LHFPL2: variants seen among roughly 807,000 people sequenced by gnomAD.
LHFPL2 encodes LHFPL tetraspan subfamily member 2 protein.
Under a neutral mutation model 17.5 loss-of-function variants are expected in LHFPL2, and 7 were observed. The observed-to-expected ratio is 0.40, with a 90% CI of 0.23 to 0.75. The LOEUF (loss-of-function observed/expected upper bound fraction) is 0.75, where lower values mean the gene tolerates loss of function less well. LHFPL2 is among the 30% of genes least tolerant of loss of function. The pLI is 0.37. For missense variants in LHFPL2, 241 were observed against 294.8 expected, an observed-to-expected ratio of 0.82 and a Z score of 1.34; for synonymous variants, 134 against 116.2, an observed-to-expected ratio of 1.15 and a Z score of -0.99.
At position 78,648,380 on chromosome 5, in the gene LHFPL2, G is replaced by C. The variant is rs560252999; in HGVS notation, c.-350+119C>G. The C allele has an allele frequency of 6.6e-6, 1 of 152,062 alleles. No individual in the cohort carries two copies. Among genetic ancestry groups the C allele is most frequent in the Admixed American group, 6.5e-5 (1 of 15,272 alleles). 9.4% of individuals were successfully genotyped at this position (152,062 alleles called of 1,614,324 possible). A position where few individuals can be genotyped will look rare whatever the true frequency, so the allele number is the denominator to read the frequency against. On this transcript the variant is annotated intron_variant, in intron 1 of 4. Transcript: ENST00000380345. This position sits in a 1 kb window ranked among gnomAD's most constrained non-coding sequence, Gnocchi z 5.4. The stretch of plus-strand genomic sequence containing the variant: ...AGTTCCCGCGCCAGCCGCGGCTCAA[G>C]CAGCCAGGGCTCGGCCGGCCGCAAC...
At chr5:78,562,705 T>A (rs1756762237) in intron 3 of LHFPL2, among the ~76,000 whole-genome samples, 2 of 151,862 alleles carry the variant, frequency 1.3e-5, no homozygotes, top group Non-Finnish European at 2.9e-5. Flanking sequence ...ACTCAGAATG[T>A]CTGTTCTTGT....
At chr5:78,594,125 A>G (rs1286923377) in intron 2 of LHFPL2, among the ~76,000 whole-genome samples, 2 of 152,244 alleles carry the variant, frequency 1.3e-5, no homozygotes, top group East Asian at 3.8e-4. Flanking sequence ...CTAGTTAAGT[A>G]TGGGGGCCAG....
intron 3 of LHFPL2, among the ~76,000 whole-genome samples, chr5:78,516,397 A>C (rs1191237001): frequency 6.6e-6 from 1 of 151,998 alleles, no homozygotes; most frequent in Non-Finnish European, 1.5e-5. Context: ...CCCCACACCA[A>C]CTTTGCAGGG....
intron 3 of LHFPL2, among the ~76,000 whole-genome samples, chr5:78,526,400 C>T (rs912876937): frequency 2.6e-5 from 4 of 152,096 alleles, no homozygotes; most frequent in Non-Finnish European, 5.9e-5. Context: ...TTGAAAACAC[C>T]TCCTAATTAG....
At chr5:78,638,372 T>G (rs1745537761) in intron 1 of LHFPL2, among the ~76,000 whole-genome samples, 1 of 151,970 alleles carries the variant, frequency 6.6e-6, no homozygotes, top group African/African-American at 2.4e-5. Flanking sequence ...ATAACAATAA[T>G]AAATAATAAA....
Position 78,593,159 on chromosome 5 carries a change from C to T in LHFPL2, c.-244-28288G>A, listed in dbSNP as rs114430854. ...ACCGGGTGCTGACATTCACGGGGGGCGAAAGGAGATGCCAGCTGCTGCTCA... is the reference window on the plus strand; with the variant it reads ...ACCGGGTGCTGACATTCACGGGGGGTGAAAGGAGATGCCAGCTGCTGCTCA... On this transcript the variant is annotated intron_variant, in intron 2 of 4. Coordinates refer to ENST00000380345, the MANE Select transcript of LHFPL2 (RefSeq NM_005779.3). Among the ~76,000 whole-genome samples, 678 of 152,144 alleles carry T rather than the reference C, an allele frequency of 4.5e-3. 9 individuals are homozygous for T. Among genetic ancestry groups the T allele is most frequent in the African/African-American group, 0.015 (627 of 41,490 alleles).
intron 2 of LHFPL2, among the ~76,000 whole-genome samples, chr5:78,582,422 T>C (rs1743181161): frequency 3.3e-5 from 5 of 150,850 alleles, no homozygotes; most frequent in Admixed American, 3.3e-4. Context: ...TGTGGGCATT[T>C]AGTGCTATAA....
intron 2 of LHFPL2, among the ~76,000 whole-genome samples, chr5:78,622,638 A>G (rs531085545): frequency 1.4e-3 from 208 of 152,334 alleles, no homozygotes; most frequent in African/African-American, 4.8e-3. Flanking sequence ...CTGTCTCCCA[A>G]GCATTCTCTT....
At chr5:78,583,313 G>C (rs1389503262) in intron 2 of LHFPL2, among the ~76,000 whole-genome samples, 3 of 151,882 alleles carry the variant, frequency 2.0e-5, no homozygotes, top group Non-Finnish European at 2.9e-5. Flanking sequence ...GTGTGAATTT[G>C]ATCCTGTCAT....
chr5:78,603,345 A>G (rs1744090630), intron 2 of LHFPL2, among the ~76,000 whole-genome samples: 1 of 152,266 alleles, frequency 6.6e-6, no homozygotes. Flanking sequence ...CAATTCAGAT[A>G]TCTGAAAACT....
At chr5:78,527,757 AAAC>A (rs1755663261) in intron 3 of LHFPL2, among the ~76,000 whole-genome samples, 1 of 152,210 alleles carries the variant, frequency 6.6e-6, no homozygotes, top group East Asian at 1.9e-4. Context: ...AAGACAGACT[AAAC>A]AACATCATTC....
At chr5:78,538,711 AGCCACACCT>A (rs1756019443) in intron 3 of LHFPL2, among the ~76,000 whole-genome samples, 1 of 152,230 alleles carries the variant, frequency 6.6e-6, no homozygotes, top group Admixed American at 6.5e-5. Flanking sequence ...GAAGGTGAGA[AGCCACACCT>A]GCACGGGCAC....
intron 4 of LHFPL2, among the ~76,000 whole-genome samples, chr5:78,509,447 A>C (rs1336578658): frequency 2.0e-5 from 3 of 152,204 alleles, no homozygotes; most frequent in Non-Finnish European, 4.4e-5. Flanking sequence ...GTTGCACTGA[A>C]GTGGAGAGCA....
intron 4 of LHFPL2, among the ~76,000 whole-genome samples, chr5:78,493,536 G>A (rs931696115): frequency 6.6e-6 from 1 of 152,184 alleles, no homozygotes; most frequent in African/African-American, 2.4e-5. Flanking sequence ...TAATGCCTGT[G>A]CTTAGAATGA....
At chr5:78,566,524 C>T (rs1198826583) in intron 2 of LHFPL2, among the ~76,000 whole-genome samples, 1 of 151,806 alleles carries the variant, frequency 6.6e-6, no homozygotes, top group Non-Finnish European at 1.5e-5. Context: ...AGTACAATGG[C>T]ACGATCTTGG....
chr5:78,486,145 A>ATGTT lies in LHFPL2; in HGVS notation c.*2748_*2751dup, dbSNP rs1401900718. 2.0e-5 allele frequency: 3 copies of ATGTT among 152,672 alleles called. No homozygotes were observed. The highest frequency in any genetic ancestry group is 7.2e-5 in the African/African-American group (3 of 41,460). 9.5% of individuals were successfully genotyped at this position (152,672 alleles called of 1,614,324 possible). On this transcript the variant is annotated 3_prime_UTR_variant, in exon 5 of 5. Transcript: ENST00000380345. ...AAGACTATGGCACTTTACAGAATAT[A>ATGTT]TGTTTAACAAAGATCATTACACCAC...
At chr5:78,517,855 G>C (rs1755337286) in intron 3 of LHFPL2, among the ~76,000 whole-genome samples, 1 of 152,190 alleles carries the variant, frequency 6.6e-6, no homozygotes, top group South Asian at 2.1e-4. Context: ...TTTTCTAAAT[G>C]ATTCCTTCTC....
At chr5:78,616,275 C>T (rs566475183) in intron 2 of LHFPL2, among the ~76,000 whole-genome samples, 7 of 152,170 alleles carry the variant, frequency 4.6e-5, no homozygotes, top group South Asian at 4.1e-4. Flanking sequence ...TACTGGTGCC[C>T]GCCACCTCAC....
chr5:78,570,241 G>C (rs561017786), intron 2 of LHFPL2, among the ~76,000 whole-genome samples: 1 of 152,306 alleles, frequency 6.6e-6, no homozygotes, highest in African/African-American at 2.4e-5. Context: ...ATTCCCTACA[G>C]ATAGTAGTTA....
Sources: gnomAD v4.1 joint callset for allele counts (sites outside exome capture counted in the v4.1 genomes callset) on GRCh38, gnomAD v4.1.1 for gene constraint, Gnocchi (gnomAD v3.1) non-coding constraint, MANE v1.5 for transcripts, NCBI Gene and HGNC (gene_info 2026-07-23, HGNC 2026-07-21) for gene names.